TRHDE: variants seen among roughly 807,000 people sequenced by gnomAD.
The protein encoded by TRHDE is thyrotropin-releasing hormone-degrading ectoenzyme.
A neutral mutation model predicts 125.7 loss-of-function variants in TRHDE; 72 were observed. The observed-to-expected ratio is 0.57, with a 90% confidence interval of 0.47 to 0.70. TRHDE has a LOEUF of 0.70. Ranked by LOEUF, TRHDE falls within the 30% of genes least tolerant of loss-of-function variation. TRHDE has a pLI of 0.00. For synonymous variants in TRHDE, 509 were observed against 509.1 expected (o/e 1.00, Z 0.00); for missense variants, 1,110 against 1,327.1 (o/e 0.84, Z 2.54).
Position 72,363,260 on chromosome 12 carries a change from C to T in TRHDE, c.1189-14735C>T, listed in dbSNP as rs1423022237. Reference sequence around the variant, plus strand: ...CAATAGAAAAAGAGGGAATCCTCCCCAACTCATTTTATGAGGCCAGCATCA... The same window carrying T: ...CAATAGAAAAAGAGGGAATCCTCCCTAACTCATTTTATGAGGCCAGCATCA... On this transcript the variant is annotated intron_variant, in intron 2 of 18. Transcript: ENST00000261180. 2.6e-5 allele frequency among the ~76,000 whole-genome samples: 4 copies of T among 151,408 alleles called. No homozygotes were observed. In the East Asian group the frequency reaches 5.8e-4, roughly 22 times the overall value.
In TRHDE at chr12:72,377,999, G is replaced by A. The variant is rs1240254322; in HGVS notation, c.1193G>A (p.Arg398Gln). Residue 398 changes from arginine (R) to glutamine (Q), a missense_variant, in exon 3 of 19, where the codon CGA becomes CAA. Transcript: ENST00000261180. ...TTTATATATATTTTTAATTAGGTAC[G>A]ATTATATGCAAGACCTGATGCTATC... ...ETTTKSGVVV[R>Q]LYARPDAIRR... 3 of 1,577,140 alleles carry A rather than the reference G, an allele frequency of 1.9e-6. No individual in the cohort carries two copies. The highest frequency in any genetic ancestry group is 1.7e-6 in the Non-Finnish European group (2 of 1,166,206).
At chr12:72,366,692 A>C (rs778289271) in intron 2 of TRHDE, among the ~76,000 whole-genome samples, 48 of 152,186 alleles carry the variant, frequency 3.2e-4, no homozygotes, top group Non-Finnish European at 5.7e-4. Context: ...CATGGGGCCC[A>C]AAAACCCCCA....
intron 15 of TRHDE, among the ~76,000 whole-genome samples, chr12:72,633,210 T>TTTGA (rs1873572077): frequency 6.6e-6 from 1 of 152,026 alleles, no homozygotes; most frequent in Non-Finnish European, 1.5e-5. Context: ...AGAGTAATCT[T>TTTGA]TTGATAGATT....
chr12:72,215,767 G>A (rs1227958933), intron 2 of TRHDE, among the ~76,000 whole-genome samples: 1 of 152,116 alleles, frequency 6.6e-6, no homozygotes, highest in Non-Finnish European at 1.5e-5. Flanking sequence ...ACTGGATGGC[G>A]GCAGTGACAC....
chr12:72,363,409 A>G (rs2135754539), intron 2 of TRHDE, among the ~76,000 whole-genome samples: 1 of 151,986 alleles, frequency 6.6e-6, no homozygotes, highest in Non-Finnish European at 1.5e-5. Flanking sequence ...GCACATCAAA[A>G]AGCTTATCCA....
chr12:72,558,956 G>T (rs1289624804), intron 7 of TRHDE, among the ~76,000 whole-genome samples: 2 of 152,160 alleles, frequency 1.3e-5, no homozygotes, highest in African/African-American at 4.8e-5. Flanking sequence ...CAGGCATGGG[G>T]TTTGGATGTA....
At chr12:72,591,689 C>CT (rs1240936214) in intron 12 of TRHDE, among the ~76,000 whole-genome samples, 1 of 130,466 alleles carries the variant, frequency 7.7e-6, no homozygotes, top group Non-Finnish European at 1.5e-5. Context: ...CAAAAATTCT[C>CT]TAAGAGTTTT....
At chr12:72,312,429 C>A (rs754930126) in intron 2 of TRHDE, among the ~76,000 whole-genome samples, 3 of 152,142 alleles carry the variant, frequency 2.0e-5, no homozygotes, top group Non-Finnish European at 4.4e-5. Flanking sequence ...TCAGACATTT[C>A]CTGTAAAGTA....
intron 12 of TRHDE, chr12:72,582,631 T>C: frequency 1.0e-6 from 1 of 984,834 alleles, no homozygotes; most frequent in Non-Finnish European, 1.2e-6. Flanking sequence ...TTTTCCTGCT[T>C]TGATAGCTGG....
intron 2 of TRHDE, among the ~76,000 whole-genome samples, chr12:72,208,082 C>G (rs1257037638): frequency 6.6e-6 from 1 of 152,160 alleles, no homozygotes; most frequent in Admixed American, 6.5e-5. Context: ...CTGTGTAAAT[C>G]GTTAAGTCTC....
intron 2 of TRHDE, among the ~76,000 whole-genome samples, chr12:72,129,116 TA>T (rs910907282): frequency 3.3e-5 from 5 of 152,194 alleles, no homozygotes; most frequent in African/African-American, 1.2e-4. Context: ...TGTAAATCTT[TA>T]AGGTCCTGAA....
chr12:72,415,312 G>A (rs984677874), intron 3 of TRHDE, among the ~76,000 whole-genome samples: 3 of 152,050 alleles, frequency 2.0e-5, no homozygotes, highest in African/African-American at 7.2e-5. Flanking sequence ...GGCATACAAT[G>A]TGTAATAGGA....
At chr12:72,449,164 A>AC (rs756775050) in intron 3 of TRHDE, among the ~76,000 whole-genome samples, 35 of 152,190 alleles carry the variant, frequency 2.3e-4, no homozygotes, top group Admixed American at 4.6e-4. Context: ...CAGATAATAT[A>AC]CCATACTAAA....
chr12:72,562,359 T>C, intron 8 of TRHDE, 129 bp downstream of exon 8: 1 of 489,442 alleles, frequency 2.0e-6, no homozygotes, highest in South Asian at 3.8e-5. Context: ...TTTGTTCATA[T>C]TGATTTTTTG....
At position 72,589,895 on chromosome 12, in the gene TRHDE, T is replaced by A. The variant is rs11836139; in HGVS notation, c.2321+14353T>A. ...TTATTCTATTTTCTATTTCATTTAT[T>A]TCTACTCTTTATTGTTTACTTCTGT... On this transcript the variant is annotated intron_variant, in intron 12 of 18. Coordinates refer to ENST00000261180, the MANE Select transcript of TRHDE (RefSeq NM_013381.3). Among the ~76,000 whole-genome samples, 431 of 152,136 alleles carry A rather than the reference T, an allele frequency of 2.8e-3. 4 individuals carry two copies. The highest frequency in any genetic ancestry group is 9.3e-3 in the African/African-American group (385 of 41,574).
intron 2 of TRHDE, among the ~76,000 whole-genome samples, chr12:72,317,049 C>G (rs1432194776): frequency 6.6e-6 from 1 of 152,176 alleles, no homozygotes; most frequent in Non-Finnish European, 1.5e-5. Flanking sequence ...GCATCAGACA[C>G]TATATTAGGA....
intron 2 of TRHDE, among the ~76,000 whole-genome samples, chr12:72,327,560 C>T (rs2135716279): frequency 6.6e-6 from 1 of 152,240 alleles, no homozygotes; most frequent in South Asian, 2.1e-4. Context: ...GAATTCAACA[C>T]TATATTTATA....
intron 2 of TRHDE, among the ~76,000 whole-genome samples, chr12:72,115,933 C>G (rs1875432793): frequency 6.6e-6 from 1 of 152,126 alleles, no homozygotes; most frequent in Non-Finnish European, 1.5e-5. Flanking sequence ...TAGTGGTTTG[C>G]TGCACCTATC....
intron 2 of TRHDE, among the ~76,000 whole-genome samples, chr12:72,142,626 C>A (rs1331179605): frequency 1.3e-5 from 2 of 152,112 alleles, no homozygotes; most frequent in Non-Finnish European, 2.9e-5. Context: ...GTTTTCATGC[C>A]CAAAAAGTTG....
Sources: gnomAD v4.1 joint callset for allele counts (sites outside exome capture counted in the v4.1 genomes callset) on GRCh38, gnomAD v4.1.1 for gene constraint, MANE v1.5 for transcripts, NCBI Gene and HGNC (gene_info 2026-07-23, HGNC 2026-07-21) for gene names.